TANC2: variants seen among roughly 807,000 people sequenced by gnomAD.
TANC2 encodes protein TANC2.
A neutral mutation model predicts 210.5 loss-of-function variants in TANC2; 26 were observed. The observed-to-expected ratio is 0.12, with a 90% CI of 0.09 to 0.17. The LOEUF (loss-of-function observed/expected upper bound fraction) is 0.17. Among genes scored for constraint, TANC2 ranks in the 10% least tolerant of loss-of-function variants. TANC2 has a pLI of 1.00. For missense variants in TANC2, 2,129 were observed against 2,608.9 expected (o/e 0.82, Z 4.01); for synonymous variants, 931 against 967.1 (o/e 0.96, Z 0.69).
chr17:63,284,039 G>A (rs1309965141), intron 9 of TANC2, among the ~76,000 whole-genome samples: 1 of 151,682 alleles, frequency 6.6e-6, no homozygotes, highest in Non-Finnish European at 1.5e-5. Context: ...GCTTTTTCTT[G>A]GTCTTAGGTG....
intron 9 of TANC2, among the ~76,000 whole-genome samples, chr17:63,282,413 A>G (rs569087376): frequency 6.6e-6 from 1 of 152,080 alleles, no homozygotes; most frequent in Non-Finnish European, 1.5e-5. Context: ...AGCACAACTT[A>G]CCAAAACTAA....
rs549308665 is a variant in TANC2, at chr17:63,411,399, T to C, written c.3590-112T>C. Reference sequence around the variant, plus strand: ...ACCAGCATCAGTCTTAAAATGGAAATAGTCCAGAAACGAGCAGTGTTCTTT... The same window carrying C: ...ACCAGCATCAGTCTTAAAATGGAAACAGTCCAGAAACGAGCAGTGTTCTTT... On this transcript the variant is annotated intron_variant, in intron 21 of 27. Coordinates refer to ENST00000689528, the Ensembl canonical transcript of TANC2. 15 of 1,042,990 alleles carry C rather than the reference T, an allele frequency of 1.4e-5. No homozygotes were observed. The African/African-American group carries it at 2.4e-4, about 17-fold the overall frequency. The allele number at this position is 1,042,990 out of a possible 1,614,324, so 64.6% of individuals were successfully genotyped here. A position where few individuals can be genotyped will look rare whatever the true frequency, so the allele number is the denominator to read the frequency against.
intron 3 of TANC2, among the ~76,000 whole-genome samples, chr17:63,079,993 C>A: frequency 6.6e-6 from 1 of 152,212 alleles, no homozygotes; most frequent in East Asian, 1.9e-4. Context: ...GTATGACTGC[C>A]GCAGGTTAGG....
chr17:63,417,970 A>G (rs969585911), intron 26 of TANC2, among the ~76,000 whole-genome samples: 1 of 152,198 alleles, frequency 6.6e-6, no homozygotes, highest in Non-Finnish European at 1.5e-5. Flanking sequence ...TTTGCCTCCT[A>G]CATGCATGGA....
At position 63,020,118 on chromosome 17, in the gene TANC2, G is replaced by A. The variant is rs867271727; in HGVS notation, c.67+10492G>A. Among the ~76,000 whole-genome samples the A allele has an allele frequency of 3.3e-5, 5 of 152,214 alleles. No homozygotes were observed. In the Middle Eastern group the frequency reaches 0.014, roughly 414 times the overall value. Reference sequence around the variant, plus strand: ...ATTTTTTATATTTTCAGTAGAGACGGGGTTTCACCATTTTGACCAGGCTCG... The same window carrying A: ...ATTTTTTATATTTTCAGTAGAGACGAGGTTTCACCATTTTGACCAGGCTCG... On this transcript the variant is annotated intron_variant, in intron 2 of 27. Coordinates refer to ENST00000689528, the Ensembl canonical transcript of TANC2.
intron 3 of TANC2, among the ~76,000 whole-genome samples, chr17:63,095,597 A>G (rs1373057666): frequency 1.3e-5 from 2 of 152,148 alleles, no homozygotes; most frequent in African/African-American, 4.8e-5. Context: ...TTGAAGACAC[A>G]TAGCAGTGTT....
At chr17:63,112,933 A>G (rs1184819674) in intron 4 of TANC2, among the ~76,000 whole-genome samples, 1 of 152,114 alleles carries the variant, frequency 6.6e-6, no homozygotes, top group East Asian at 1.9e-4. Context: ...ACTCACCATG[A>G]TTTATGCCAT....
chr17:63,388,566 A>G lies in TANC2; in HGVS notation c.2692-69A>G, dbSNP rs2047859028. ...CATTAGTACCAAAAACAAAGAGGCC[A>G]CTAATTCACCACTGATGCTACTTTT... On this transcript the variant is annotated intron_variant, in intron 15 of 27. Coordinates refer to ENST00000689528, the Ensembl canonical transcript of TANC2. 2.7e-6 allele frequency: 4 copies of G among 1,500,662 alleles called. No homozygotes were observed. The East Asian group carries it at 7.3e-5, about 27-fold the overall frequency. The allele number at this position is 1,500,662 out of a possible 1,614,324, so 93.0% of individuals were successfully genotyped here.
At chr17:63,005,434 A>G (rs955059334) in intron 1 of TANC2, among the ~76,000 whole-genome samples, 1 of 151,904 alleles carries the variant, frequency 6.6e-6, no homozygotes, top group East Asian at 1.9e-4. Flanking sequence ...ATTTCCTTGC[A>G]TTATCATGTG....
intron 3 of TANC2, among the ~76,000 whole-genome samples, chr17:63,096,254 A>G (rs2037383677): frequency 6.6e-6 from 1 of 152,166 alleles, no homozygotes; most frequent in Non-Finnish European, 1.5e-5. Context: ...GAGAAAAGAA[A>G]TGTTGGAAGA....
intron 6 of TANC2, among the ~76,000 whole-genome samples, chr17:63,196,777 C>A (rs2041359481): frequency 6.6e-6 from 1 of 152,112 alleles, no homozygotes; most frequent in Non-Finnish European, 1.5e-5. Context: ...TTATTAAATA[C>A]CTACTGTGTA....
chr17:62,982,314 G>A (rs1158490744), intron 1 of TANC2, among the ~76,000 whole-genome samples: 2 of 152,066 alleles, frequency 1.3e-5, no homozygotes, highest in South Asian at 2.1e-4. Flanking sequence ...GGGGACAAAG[G>A]TTCAGCAAAA....
At chr17:63,350,876 G>GAAAAAA (rs374621938) in intron 12 of TANC2, among the ~76,000 whole-genome samples, 1 of 121,394 alleles carries the variant, frequency 8.2e-6, no homozygotes, top group Non-Finnish European at 1.8e-5. Flanking sequence ...GTCAGATAGG[G>GAAAAAA]AAAAAAAAAA....
At chr17:63,255,409 A>G (rs2043166161) in intron 8 of TANC2, among the ~76,000 whole-genome samples, 2 of 151,944 alleles carry the variant, frequency 1.3e-5, no homozygotes, top group Non-Finnish European at 2.9e-5. Context: ...GTTCTTTTTT[A>G]AATGTTTGGT....
intron 8 of TANC2, among the ~76,000 whole-genome samples, chr17:63,238,292 G>T (rs2042678484): frequency 6.6e-6 from 1 of 152,004 alleles, no homozygotes; most frequent in African/African-American, 2.4e-5. Flanking sequence ...GCTTAGTTCT[G>T]CTCCCAAAAT....
At chr17:63,215,869 C>T (rs1598623783) in intron 7 of TANC2, among the ~76,000 whole-genome samples, 1 of 152,198 alleles carries the variant, frequency 6.6e-6, no homozygotes. Context: ...CCTGCCTCAG[C>T]CTCCCGAGTA....
intron 7 of TANC2, among the ~76,000 whole-genome samples, chr17:63,216,943 AT>A (rs900365031): frequency 2.0e-5 from 3 of 152,222 alleles, no homozygotes; most frequent in African/African-American, 7.2e-5. Context: ...AATTTCACAA[AT>A]CTTTGGAAAT....
intron 7 of TANC2, among the ~76,000 whole-genome samples, chr17:63,212,153 GTT>G (rs2041906698): frequency 2.6e-5 from 4 of 152,092 alleles, no homozygotes; most frequent in African/African-American, 9.7e-5. Context: ...CCTTGTGATA[GTT>G]TGCTGAGAAC....
At chr17:63,353,440 A>T (rs73325750) in intron 13 of TANC2, among the ~76,000 whole-genome samples, 4,772 of 151,068 alleles carry the variant, frequency 0.032, 293 homozygotes, top group African/African-American at 0.11. Flanking sequence ...GTGGCGGGGG[A>T]CAAAATTAAG....
Sources: gnomAD v4.1 joint callset for allele counts (sites outside exome capture counted in the v4.1 genomes callset) on GRCh38, gnomAD v4.1.1 for gene constraint, MANE v1.5 for transcripts, NCBI Gene and HGNC (gene_info 2026-07-23, HGNC 2026-07-21) for gene names.